Variants in STK3 observed in about 807,000 individuals in gnomAD.
STK3 encodes the protein serine/threonine kinase 3, also known as serine/threonine-protein kinase 3.
A neutral mutation model predicts 58.0 loss-of-function variants in STK3; 41 were observed. That is an observed-to-expected ratio of 0.71 (90% CI 0.55 to 0.92). The LOEUF (loss-of-function observed/expected upper bound fraction) is 0.92, where lower values mean the gene tolerates loss of function less well. STK3 is among the 40% of genes least tolerant of loss of function. STK3 has a pLI of 0.00. For missense variants in STK3, 479 were observed against 602.7 expected, an observed-to-expected ratio of 0.79 and a Z score of 2.15; for synonymous variants, 170 against 191.0, an observed-to-expected ratio of 0.89 and a Z score of 0.91.
At chr8:98,630,337 G>C (rs954092573) in intron 6 of STK3, among the ~76,000 whole-genome samples, 2 of 152,154 alleles carry the variant, frequency 1.3e-5, no homozygotes, top group African/African-American at 2.4e-5. Context: ...AATAAAATGT[G>C]AAGTATTAAG....
At chr8:98,657,168 C>T (rs868134812) in intron 6 of STK3, among the ~76,000 whole-genome samples, 55 of 151,756 alleles carry the variant, frequency 3.6e-4, no homozygotes, top group Admixed American at 2.0e-4. Context: ...CAGTCAAGAC[C>T]GACCTCTGAT....
At chr8:98,632,131 T>G (rs1468796514) in intron 6 of STK3, among the ~76,000 whole-genome samples, 1 of 152,236 alleles carries the variant, frequency 6.6e-6, no homozygotes, top group African/African-American at 2.4e-5. Flanking sequence ...GATTTACACT[T>G]GTACTGCTCA....
intron 6 of STK3, among the ~76,000 whole-genome samples, chr8:98,666,976 A>G (rs2130818233): frequency 6.6e-6 from 1 of 152,294 alleles, no homozygotes; most frequent in South Asian, 2.1e-4. Context: ...GAAAAGGATC[A>G]TATTGTCTTT....
At chr8:98,718,351 G>A (rs1827173408) in intron 4 of STK3, among the ~76,000 whole-genome samples, 1 of 152,166 alleles carries the variant, frequency 6.6e-6, no homozygotes, top group East Asian at 1.9e-4. Context: ...TGAGATCTGA[G>A]AGACAGGCAA....
At chr8:98,660,934 G>A (rs1821922452) in intron 6 of STK3, among the ~76,000 whole-genome samples, 1 of 151,962 alleles carries the variant, frequency 6.6e-6, no homozygotes, top group Non-Finnish European at 1.5e-5. Flanking sequence ...AGAATTCACT[G>A]CTAGCAGACC....
At chr8:98,701,312 T>C (rs751247952) in intron 6 of STK3, among the ~76,000 whole-genome samples, 1 of 152,146 alleles carries the variant, frequency 6.6e-6, no homozygotes, top group Non-Finnish European at 1.5e-5. Context: ...TTAAAATATA[T>C]ACATATATAT....
At chr8:98,675,549 A>G (rs1032018634) in intron 6 of STK3, among the ~76,000 whole-genome samples, 7 of 152,140 alleles carry the variant, frequency 4.6e-5, no homozygotes, top group African/African-American at 1.7e-4. Context: ...ACTTCTGGGT[A>G]TATACCTAAA....
intron 1 of STK3, among the ~76,000 whole-genome samples, chr8:98,942,139 C>T (rs1464401982): frequency 6.6e-6 from 1 of 152,254 alleles, no homozygotes; most frequent in African/African-American, 2.4e-5. Context: ...GCCCTAGACG[C>T]CGGCCGGGAC....
intron 1 of STK3, among the ~76,000 whole-genome samples, chr8:98,928,565 G>A (rs1346937220): frequency 6.6e-6 from 1 of 152,110 alleles, no homozygotes; most frequent in Non-Finnish European, 1.5e-5. Context: ...TCCTTTCTAG[G>A]TTCCTGCACT....
intron 4 of STK3, among the ~76,000 whole-genome samples, chr8:98,746,676 T>C (rs11780500): frequency 0.3 from 45,887 of 152,112 alleles, 7,812 homozygotes; most frequent in Admixed American, 0.43. Context: ...GATTTCTGGA[T>C]AATATCTTTA....
At chr8:98,646,956 T>A (rs1386258001) in intron 6 of STK3, among the ~76,000 whole-genome samples, 1 of 152,088 alleles carries the variant, frequency 6.6e-6, no homozygotes, top group African/African-American at 2.4e-5. Flanking sequence ...AAAACCTAAG[T>A]AATCCTTTAA....
At chr8:98,876,201 G>T (rs1837554513) in intron 3 of STK3, among the ~76,000 whole-genome samples, 2 of 152,156 alleles carry the variant, frequency 1.3e-5, no homozygotes, top group Non-Finnish European at 2.9e-5. Flanking sequence ...CTACTTCTTG[G>T]ATAATCTAGC....
intron 6 of STK3, among the ~76,000 whole-genome samples, chr8:98,676,713 G>A (rs964966753): frequency 2.0e-5 from 3 of 151,960 alleles, no homozygotes; most frequent in Non-Finnish European, 4.4e-5. Flanking sequence ...TGGTAGTGAC[G>A]GCTGTACAAC....
chr8:98,561,552 C>G (rs1006528168), intron 8 of STK3, among the ~76,000 whole-genome samples: 8 of 152,012 alleles, frequency 5.3e-5, no homozygotes, highest in African/African-American at 1.9e-4. Flanking sequence ...CCTGGTAATC[C>G]CAGTACTTCA....
intron 4 of STK3, among the ~76,000 whole-genome samples, chr8:98,727,498 CA>C (rs1035487730): frequency 4.6e-5 from 7 of 152,068 alleles, no homozygotes; most frequent in Non-Finnish European, 7.4e-5. Flanking sequence ...AACTTATAAC[CA>C]AAAGTTGAAA....
At chr8:98,347,217 A>T in the STK3 span, among the ~76,000 whole-genome samples, 2,824 of 151,944 alleles carry the variant, frequency 0.019, 131 homozygotes, top group African/African-American at 0.062. Context: ...AATATTTTTT[A>T]AAAAACCAGC....
chr8:98,730,831 G>A (rs184459750), intron 4 of STK3, among the ~76,000 whole-genome samples: 33 of 151,880 alleles, frequency 2.2e-4, no homozygotes, highest in African/African-American at 7.0e-4. Flanking sequence ...TTGGCTTCAC[G>A]AAAGAGCTAC....
intron 10 of STK3, among the ~76,000 whole-genome samples, chr8:98,522,266 T>A (rs1290693843): frequency 6.6e-6 from 1 of 152,160 alleles, no homozygotes; most frequent in Non-Finnish European, 1.5e-5. Flanking sequence ...ATGGTCATTA[T>A]CAAAATCATT....
chr8:98,670,232 G>A (rs1822722832), intron 6 of STK3, among the ~76,000 whole-genome samples: 1 of 152,218 alleles, frequency 6.6e-6, no homozygotes, highest in Non-Finnish European at 1.5e-5. Context: ...AGCTAGGCGT[G>A]GTGGTGTGTG....
Sources: allele counts gnomAD v4.1 joint callset (sites outside exome capture counted in the v4.1 genomes callset), GRCh38; gene constraint gnomAD v4.1.1; transcripts MANE v1.5; gene names NCBI Gene and HGNC (gene_info 2026-07-23, HGNC 2026-07-21).